Variants in LHCGR observed in about 807,000 individuals in gnomAD.
The protein encoded by LHCGR is lutropin-choriogonadotropic hormone receptor.
In LHCGR, 55 loss-of-function variants were observed where a neutral mutation model predicts 60.7. The ratio of observed to expected loss-of-function variants is 0.91; its 90% CI spans 0.73 to 1.13. LHCGR has a LOEUF of 1.13. LHCGR is among the 50% of genes most tolerant of loss of function. The pLI, the probability that LHCGR is intolerant of heterozygous loss-of-function variation, is 0.00. For missense variants in LHCGR, 862 were observed against 836.0 expected (o/e 1.03, Z -0.38); for synonymous variants, 337 against 316.5 (o/e 1.06, Z -0.69).
At chr2:48,727,345 T>C (rs754095333) in intron 3 of LHCGR, among the ~76,000 whole-genome samples, 3 of 152,172 alleles carry the variant, frequency 2.0e-5, no homozygotes, top group Non-Finnish European at 4.4e-5. Context: ...CAAACATTTA[T>C]TGGGCACCTA....
intron 8 of LHCGR, among the ~76,000 whole-genome samples, chr2:48,708,337 C>T (rs939861606): frequency 1.3e-5 from 2 of 152,092 alleles, no homozygotes; most frequent in Non-Finnish European, 2.9e-5. Context: ...AGCCTCTTTG[C>T]CAGCACATGA....
At chr2:48,704,687 A>G (rs923797774) in intron 8 of LHCGR, among the ~76,000 whole-genome samples, 2 of 152,258 alleles carry the variant, frequency 1.3e-5, no homozygotes, top group African/African-American at 2.4e-5. Flanking sequence ...AGAGGTGTTT[A>G]TAGTATTCTC....
chr2:48,714,859 T>C (rs915485655), intron 6 of LHCGR, among the ~76,000 whole-genome samples: 3 of 152,090 alleles, frequency 2.0e-5, no homozygotes, highest in Non-Finnish European at 2.9e-5. Flanking sequence ...CTAGAGGGAA[T>C]CAAGCAGCAC....
At chr2:48,701,477 C>A (rs528474849) in intron 8 of LHCGR, among the ~76,000 whole-genome samples, 3 of 152,254 alleles carry the variant, frequency 2.0e-5, no homozygotes, top group South Asian at 2.1e-4. Flanking sequence ...GCTGTTCCCC[C>A]TCCTGGAACA....
chr2:48,732,919 C>T (rs756556154), intron 1 of LHCGR: 1 of 534,512 alleles, frequency 1.9e-6, no homozygotes, highest in Non-Finnish European at 3.8e-6. Flanking sequence ...CATCGTTTAA[C>T]ACCTAAACTC....
chr2:48,751,872 A>G (rs1669971761), intron 1 of LHCGR, among the ~76,000 whole-genome samples: 1 of 152,244 alleles, frequency 6.6e-6, no homozygotes, highest in East Asian at 1.9e-4. Context: ...ACAACATGCA[A>G]AAAATAAATT....
rs963654877 is a variant in LHCGR, at chr2:48,698,874, C to T, written c.681-74G>A. The T allele has an allele frequency of 1.0e-5, 13 of 1,292,234 alleles. No homozygotes were observed. The Admixed American group carries it at 2.2e-4, about 22-fold the overall frequency. 80.0% of individuals were successfully genotyped at this position (1,292,234 alleles called of 1,614,324 possible). On this transcript the variant is annotated intron_variant, in intron 8 of 10. Coordinates refer to ENST00000294954, the MANE Select transcript of LHCGR (RefSeq NM_000233.4). ...TTTTTTTTTTTGAGACGGAGTCTTG[C>T]TCCGTCGCCCAGGCTGGAGTGCAGT...
At chr2:48,708,181 T>G (rs566858262) in intron 8 of LHCGR, among the ~76,000 whole-genome samples, 1 of 152,300 alleles carries the variant, frequency 6.6e-6, no homozygotes, top group East Asian at 1.9e-4. Context: ...ATGTATCCTT[T>G]AAAACCCCTT....
intron 1 of LHCGR, among the ~76,000 whole-genome samples, chr2:48,753,938 T>C (rs748435938): frequency 2.4e-4 from 36 of 152,170 alleles, no homozygotes; most frequent in Non-Finnish European, 4.4e-4. Context: ...CTTGAGCAAG[T>C]TATTCCTTCT....
chr2:48,708,794 C>A, intron 8 of LHCGR, 154 bp downstream of exon 8: 4 of 740,084 alleles, frequency 5.4e-6, no homozygotes, highest in Admixed American at 1.8e-5. Flanking sequence ...TTTATTATGG[C>A]AGCTGTGATA....
At chr2:48,696,458 T>A (rs998261589) in intron 9 of LHCGR, among the ~76,000 whole-genome samples, 2 of 152,200 alleles carry the variant, frequency 1.3e-5, no homozygotes, top group Non-Finnish European at 2.9e-5. Flanking sequence ...AAGTTTCAAA[T>A]AGACTTATAT....
intron 3 of LHCGR, among the ~76,000 whole-genome samples, chr2:48,727,036 G>C (rs552649383): frequency 1.3e-5 from 2 of 152,136 alleles, no homozygotes; most frequent in Non-Finnish European, 2.9e-5. Context: ...TCAGATGTGA[G>C]TGATATTTTG....
intron 10 of LHCGR, among the ~76,000 whole-genome samples, chr2:48,690,633 T>G (rs1680186039): frequency 6.6e-6 from 1 of 152,230 alleles, no homozygotes; most frequent in African/African-American, 2.4e-5. Context: ...TACGTACTTC[T>G]GCCTAGAATT....
intron 1 of LHCGR, among the ~76,000 whole-genome samples, chr2:48,755,233 GC>G (rs911716844): frequency 6.6e-5 from 10 of 151,804 alleles, no homozygotes; most frequent in Non-Finnish European, 1.3e-4. Context: ...CAGAGAGCAG[GC>G]CTTCCCCTGA....
chr2:48,711,016 C>A (rs1667962542), intron 7 of LHCGR, among the ~76,000 whole-genome samples: 1 of 152,122 alleles, frequency 6.6e-6, no homozygotes, highest in African/African-American at 2.4e-5. Flanking sequence ...TTGCTAAAGA[C>A]CCTCCAGCCA....
chr2:48,743,259 GAGGT>G (rs1669553713), intron 1 of LHCGR, among the ~76,000 whole-genome samples: 1 of 151,720 alleles, frequency 6.6e-6, no homozygotes, highest in Non-Finnish European at 1.5e-5. Context: ...AATTCTACCA[GAGGT>G]ACAAGGAGGA....
chr2:48,723,786 C>T, intron 4 of LHCGR, 90 bp from the exon 5 acceptor site: 1 of 969,322 alleles, frequency 1.0e-6, no homozygotes, highest in Non-Finnish European at 1.7e-6. Flanking sequence ...AGTACAAAGG[C>T]ATTTTGCAAA....
chr2:48,716,870 A>G (rs1668271774), intron 6 of LHCGR, among the ~76,000 whole-genome samples: 1 of 152,232 alleles, frequency 6.6e-6, no homozygotes, highest in South Asian at 2.1e-4. Flanking sequence ...CCACTGAATT[A>G]GAATCACCTG....
intron 3 of LHCGR, among the ~76,000 whole-genome samples, chr2:48,728,935 T>G (rs533334480): frequency 6.6e-6 from 1 of 152,306 alleles, no homozygotes; most frequent in Non-Finnish European, 1.5e-5. Flanking sequence ...TTGTGATGTT[T>G]CAGAGTTTAT....
Sources: allele counts gnomAD v4.1 joint callset (sites outside exome capture counted in the v4.1 genomes callset), GRCh38; gene constraint gnomAD v4.1.1; transcripts MANE v1.5; gene names NCBI Gene and HGNC (gene_info 2026-07-23, HGNC 2026-07-21).